SRP68: variants seen among roughly 807,000 people sequenced by gnomAD.
SRP68 encodes signal recognition particle subunit SRP68.
SRP68 carries 15 observed loss-of-function variants against 82.2 expected under a neutral mutation model. The observed-to-expected ratio is 0.18, with a 90% CI of 0.12 to 0.28. The LOEUF (loss-of-function observed/expected upper bound fraction) is 0.28, where lower values mean the gene tolerates loss of function less well. Among genes scored for constraint, SRP68 ranks in the 10% least tolerant of loss-of-function variants. The probability of loss-of-function intolerance (pLI) is 1.00; values close to 1 mark genes in which losing one functional copy is unlikely to be tolerated. For synonymous variants in SRP68, 261 were observed against 292.6 expected (o/e 0.89, Z 1.10); for missense variants, 595 against 780.5 (o/e 0.76, Z 2.83).
At chr17:76,046,518 G>C (rs145800127) in intron 10 of SRP68, among the ~76,000 whole-genome samples, 1 of 149,656 alleles carries the variant, frequency 6.7e-6, no homozygotes, top group Non-Finnish European at 1.5e-5. Context: ...AGCAACTCAC[G>C]AGGCAGGAGA....
chr17:76,063,929 ATG>A, intron 4 of SRP68, 45 bp downstream of exon 4: 1 of 1,505,442 alleles, frequency 6.6e-7, no homozygotes, highest in Non-Finnish European at 9.1e-7. Context: ...GCTTTTTAAA[ATG>A]TCTTTAATCT....
chr17:76,067,166 A>G (rs371077887), intron 3 of SRP68, 51 bp downstream of exon 3: 4 of 1,335,696 alleles, frequency 3.0e-6, no homozygotes, highest in Non-Finnish European at 4.3e-6. Context: ...TCATTGTTCA[A>G]TAAATGTATT....
At chr17:76,056,700 TGC>T (rs2066716099) in intron 8 of SRP68, among the ~76,000 whole-genome samples, 1 of 152,160 alleles carries the variant, frequency 6.6e-6, no homozygotes, top group Non-Finnish European at 1.5e-5. Flanking sequence ...TTATTCAGGG[TGC>T]AAAAGATAAC....
At chr17:76,052,328 C>T (rs191774146) in intron 8 of SRP68, among the ~76,000 whole-genome samples, 3 of 152,330 alleles carry the variant, frequency 2.0e-5, no homozygotes, top group East Asian at 3.9e-4. Context: ...GTCAACCTTA[C>T]TGGCCTAATT....
chr17:76,062,016 G>T (rs976555354), intron 4 of SRP68, among the ~76,000 whole-genome samples: 2 of 152,030 alleles, frequency 1.3e-5, no homozygotes, highest in African/African-American at 4.8e-5. Context: ...GCCAGGCGCA[G>T]TGGCTCATGC....
At chr17:76,040,351 T>G in intron 15 of SRP68, 68 bp downstream of exon 15, 1 of 1,451,978 alleles carries the variant, frequency 6.9e-7, no homozygotes, top group Non-Finnish European at 9.7e-7. Context: ...TGCTCTATAA[T>G]GAGCATGCAT....
At chr17:76,047,994 A>G in intron 9 of SRP68, 24 bp from the exon 10 acceptor site, 1 of 1,524,360 alleles carries the variant, frequency 6.6e-7, no homozygotes, top group Admixed American at 1.8e-5. Flanking sequence ...AAAAGGTAAA[A>G]AGTAAAGCAA....
At position 76,039,673 on chromosome 17, in the gene SRP68, C is replaced by T; in HGVS notation, c.*33G>A. ...TTTTCTCACAATACAGATTAAGAGTCAGAATCTCCCCCGCCCCCGAGGAAG... is the reference window on the plus strand; with the variant it reads ...TTTTCTCACAATACAGATTAAGAGTTAGAATCTCCCCCGCCCCCGAGGAAG... On this transcript the variant is annotated 3_prime_UTR_variant, in exon 16 of 16. Coordinates refer to ENST00000307877, the MANE Select transcript of SRP68 (RefSeq NM_014230.4). 1 of 1,593,822 alleles carries T rather than the reference C, an allele frequency of 6.3e-7. No individual in the cohort carries two copies. The highest frequency in any genetic ancestry group is 8.6e-7 in the Non-Finnish European group (1 of 1,163,164).
intron 3 of SRP68, among the ~76,000 whole-genome samples, chr17:76,065,296 A>G (rs1379663381): frequency 6.6e-6 from 1 of 151,972 alleles, no homozygotes; most frequent in Non-Finnish European, 1.5e-5. Context: ...CAAAAGAAAA[A>G]AAGAGAAAAG....
chr17:76,057,267 C>T lies in SRP68; in HGVS notation c.978+136G>A, dbSNP rs529900137. The T allele has an allele frequency of 3.4e-5, 34 of 999,234 alleles. No homozygotes were observed. The African/African-American group carries it at 4.0e-4, about 12-fold the overall frequency. The allele number at this position is 999,234 out of a possible 1,614,324, so 61.9% of individuals were successfully genotyped here. On this transcript the variant is annotated intron_variant, in intron 8 of 15. Coordinates refer to ENST00000307877, the MANE Select transcript of SRP68 (RefSeq NM_014230.4). ...AATTTTATTCAATAAGGCACATCTC[C>T]GTACTTACCAAATCCAAAACAGCAT...
In SRP68 at chr17:76,057,493, C is replaced by T. The variant is rs1222508093; in HGVS notation, c.888G>A (p.Val296=). The T allele has an allele frequency of 3.1e-6, 5 of 1,614,084 alleles. 1 individual carries two copies. Among genetic ancestry groups the T allele is most frequent in the Non-Finnish European group, 3.4e-6 (4 of 1,180,046 alleles). The part of the protein sequence containing the change: ...RAKQAATMSE[V]EWRGRTVPVK... ...CTGGAACCGTTCTCCCTCTCCACTC[C>T]ACTTCACTCATGGTAGCTGCCTGTT... Residue 296 remains valine (V), a synonymous_variant, in exon 8 of 16, where the codon GTG becomes GTA. Transcript: ENST00000307877.
Position 76,071,520 on chromosome 17 carries a change from C to G in SRP68, c.184+788G>C, listed in dbSNP as rs1486985361. On this transcript the variant is annotated intron_variant, in intron 1 of 15. Transcript: ENST00000307877. The surrounding 1 kb of genome is among the most constrained non-coding windows in gnomAD (Gnocchi z 4.7). The stretch of plus-strand genomic sequence containing the variant: ...TATAAAGGTCTCAGTAAAATCAGGG[C>G]TCGCTAGCGTCTACTTGGAACTATT... Among the ~76,000 whole-genome samples, 5 of 152,150 alleles carry G rather than the reference C, an allele frequency of 3.3e-5. No homozygotes were observed. The highest frequency in any genetic ancestry group is 1.5e-5 in the Non-Finnish European group (1 of 68,026).
At chr17:76,044,033 G>A in intron 12 of SRP68, 75 bp from the exon 13 acceptor site, 2 of 1,520,254 alleles carry the variant, frequency 1.3e-6, no homozygotes, top group Non-Finnish European at 1.8e-6. Flanking sequence ...TTGCAGTTTA[G>A]GCGAAATTTC....
intron 10 of SRP68, 103 bp from the exon 11 acceptor site, chr17:76,046,297 G>C: frequency 7.6e-7 from 1 of 1,316,316 alleles, no homozygotes; most frequent in Non-Finnish European, 1.1e-6. Context: ...CAGGGGGCGG[G>C]TGGGGGCGTG....
chr17:76,061,023 C>G, intron 6 of SRP68, 87 bp downstream of exon 6: 1 of 821,024 alleles, frequency 1.2e-6, no homozygotes, highest in South Asian at 1.6e-5. Context: ...AAAGTTACAT[C>G]AACTCTCTAG....
chr17:76,062,571 TA>T (rs1567934745), intron 4 of SRP68, among the ~76,000 whole-genome samples: 2 of 51,178 alleles, frequency 3.9e-5, no homozygotes, highest in African/African-American at 1.4e-4. Context: ...ATATATTATA[TA>T]ATATACATTA....
Position 76,072,433 on chromosome 17 carries a change from C to A in SRP68, c.59G>T (p.Gly20Val). Residue 20 changes from glycine (G) to valine (V), a missense_variant, in exon 1 of 16, where the codon GGT (glycine) becomes GTT (valine). Gly to Val is a moderately radical substitution (Grantham distance 109). Around this residue, in one of 2 missense-constraint regions of SRP68, gnomAD observed 100 missense variants for 91.9 expected, o/e 1.09. Transcript: ENST00000307877. The surrounding 1 kb of genome is among the most constrained non-coding windows in gnomAD (Gnocchi z 4.5). ...GCCGCTACCGCCGCCGCCACTGCCACCGCCGCCGCCACTGCCGCCGCCGCC... is the reference window on the plus strand; with the variant it reads ...GCCGCTACCGCCGCCGCCACTGCCAACGCCGCCGCCACTGCCGCCGCCGCC... ...GGGGGGSGGGGGSGGGGSGGG... is the reference protein window; with the variant it reads ...GGGGGGSGGGVGSGGGGSGGG... 6.3e-7 allele frequency: 1 copy of A among 1,580,864 alleles called. No homozygotes were observed. The highest frequency in any genetic ancestry group is 1.1e-5 in the South Asian group (1 of 90,402).
At chr17:76,061,400 C>T (rs1262362456) in intron 5 of SRP68, 92 bp downstream of exon 5, 11 of 1,213,062 alleles carry the variant, frequency 9.1e-6, no homozygotes, top group Non-Finnish European at 1.3e-5. Context: ...GTCACCCTCA[C>T]TTTCACAGAA....
At chr17:76,052,407 T>C (rs1372080235) in intron 8 of SRP68, among the ~76,000 whole-genome samples, 1 of 151,832 alleles carries the variant, frequency 6.6e-6, no homozygotes, top group Non-Finnish European at 1.5e-5. Flanking sequence ...GATACATAAG[T>C]CTAGAGTGCT....
Sources: gnomAD v4.1 joint callset for allele counts (sites outside exome capture counted in the v4.1 genomes callset) on GRCh38, gnomAD v4.1.1 for gene constraint, gnomAD v4.1.1 regional missense constraint, Gnocchi (gnomAD v3.1) non-coding constraint, MANE v1.5 for transcripts, NCBI Gene and HGNC (gene_info 2026-07-23, HGNC 2026-07-21) for gene names.